The following IL1R1 variants were observed in gnomAD, a reference collection of about 807,000 sequenced individuals.
IL1R1 encodes interleukin-1 receptor type 1.
IL1R1 carries 22 observed loss-of-function variants against 50.2 expected under a neutral mutation model. That is an observed-to-expected ratio of 0.44 (90% confidence interval 0.31 to 0.63). The LOEUF (loss-of-function observed/expected upper bound fraction) is 0.63, where lower values mean the gene tolerates loss of function less well. Ranked by LOEUF, IL1R1 falls within the 20% of genes least tolerant of loss-of-function variation. The probability of loss-of-function intolerance (pLI) is 0.07; values close to 1 mark genes in which losing one functional copy is unlikely to be tolerated. For missense variants in IL1R1, 509 were observed against 676.2 expected (o/e 0.75, Z 2.74); for synonymous variants, 251 against 236.7 (o/e 1.06, Z -0.55).
intron 11 of IL1R1, 145 bp from the exon 12 acceptor site, chr2:102,176,208 C>T (rs1559511369): frequency 9.2e-6 from 6 of 653,558 alleles, no homozygotes; most frequent in Non-Finnish European, 1.5e-5. Flanking sequence ...TAATTAAAAA[C>T]ATGGGAAACT....
At chr2:102,097,160 T>C (rs984666490) in intron 1 of IL1R1, among the ~76,000 whole-genome samples, 1 of 152,152 alleles carries the variant, frequency 6.6e-6, no homozygotes, top group Admixed American at 6.5e-5. Flanking sequence ...GGTGACTTTA[T>C]CGGGGATCGG....
intron 1 of IL1R1, among the ~76,000 whole-genome samples, chr2:102,086,994 AC>A (rs1188081064): frequency 2.0e-5 from 3 of 152,016 alleles, no homozygotes; most frequent in Non-Finnish European, 4.4e-5. Context: ...TTGCTTCCAA[AC>A]CACTGCAGAA....
chr2:102,072,820 A>C (rs1037495573), intron 1 of IL1R1, among the ~76,000 whole-genome samples: 5 of 152,058 alleles, frequency 3.3e-5, no homozygotes, highest in African/African-American at 1.2e-4. Context: ...TTTGTAGGTG[A>C]AACTATGAGA....
At chr2:102,109,200 C>A (rs577724071) in intron 1 of IL1R1, among the ~76,000 whole-genome samples, 2 of 152,002 alleles carry the variant, frequency 1.3e-5, no homozygotes, top group African/African-American at 4.8e-5. Context: ...GAGGGTAGGT[C>A]GGACTGAACT....
intron 10 of IL1R1, 100 bp from the exon 11 acceptor site, chr2:102,175,378 A>T: frequency 1.1e-6 from 1 of 888,832 alleles, no homozygotes; most frequent in Non-Finnish European, 1.8e-6. Context: ...GTATAAAAAA[A>T]GATGAATAGT....
At chr2:102,118,566 ACTGAACCCTTAAC>A (rs1446878607) in intron 1 of IL1R1, among the ~76,000 whole-genome samples, 1 of 152,112 alleles carries the variant, frequency 6.6e-6, no homozygotes, top group Non-Finnish European at 1.5e-5. Context: ...GTCTTGTGGG[ACTGAACCCTTAAC>A]CTGAGGTCTG....
In IL1R1 at chr2:102,134,200, G is replaced by A. The variant is rs531704876; in HGVS notation, c.-83-19741G>A. On this transcript the variant is annotated intron_variant, in intron 1 of 10. Coordinates refer to the IL1R1 transcript ENST00000409329. ...ATATGCAAGATCTGTACGTGAAGCG[G>A]TGTTGATGGCAGAGACTATTCTGCC... Among the ~76,000 whole-genome samples, 274 of 152,302 alleles carry A rather than the reference G, an allele frequency of 1.8e-3. 2 individuals are homozygous for A. Among genetic ancestry groups the A allele is most frequent in the African/African-American group, 6.3e-3 (263 of 41,566 alleles).
At chr2:102,135,434 A>G (rs1682292647) in intron 1 of IL1R1, among the ~76,000 whole-genome samples, 1 of 152,222 alleles carries the variant, frequency 6.6e-6, no homozygotes, top group Non-Finnish European at 1.5e-5. Context: ...TATTTTTACT[A>G]AAAAATTAGA....
At chr2:102,130,372 A>T (rs957071151) in intron 1 of IL1R1, among the ~76,000 whole-genome samples, 38 of 152,274 alleles carry the variant, frequency 2.5e-4, no homozygotes, top group African/African-American at 8.7e-4. Context: ...CACAATTGCT[A>T]ATGATTCTTC....
intron 1 of IL1R1, among the ~76,000 whole-genome samples, chr2:102,111,874 A>G (rs2104368370): frequency 6.6e-6 from 1 of 152,266 alleles, no homozygotes; most frequent in South Asian, 2.1e-4. Flanking sequence ...TTAGAAAGAT[A>G]GAGGTGACCA....
chr2:102,172,529 G>A (rs1685779622), intron 8 of IL1R1, 158 bp from the exon 9 acceptor site: 3 of 1,094,522 alleles, frequency 2.7e-6, no homozygotes, highest in Non-Finnish European at 3.7e-6. Flanking sequence ...TCTCAGATTA[G>A]TGTTGCCAGC....
At chr2:102,149,880 A>C (rs572630465) in intron 1 of IL1R1, among the ~76,000 whole-genome samples, 3 of 152,170 alleles carry the variant, frequency 2.0e-5, no homozygotes, top group Non-Finnish European at 4.4e-5. Context: ...TCTCATGGTG[A>C]GGACAGCGCA....
intron 1 of IL1R1, among the ~76,000 whole-genome samples, chr2:102,082,546 A>G (rs963674364): frequency 2.6e-5 from 4 of 152,214 alleles, no homozygotes; most frequent in African/African-American, 9.6e-5. Flanking sequence ...GTGTCATGAT[A>G]ATTCCATGCA....
intron 1 of IL1R1, among the ~76,000 whole-genome samples, chr2:102,131,519 T>C (rs1682027251): frequency 6.6e-6 from 1 of 152,148 alleles, no homozygotes; most frequent in South Asian, 2.1e-4. Context: ...TGAAAATGCC[T>C]GCGTCTAACT....
At chr2:102,092,402 A>G (rs1319739244) in intron 1 of IL1R1, among the ~76,000 whole-genome samples, 1 of 152,150 alleles carries the variant, frequency 6.6e-6, no homozygotes, top group East Asian at 1.9e-4. Context: ...CAATTTATCC[A>G]TGTTTGTCCA....
Position 102,165,297 on chromosome 2 carries a change from G to A in IL1R1, c.479G>A (p.Trp160Ter), listed in dbSNP as rs1478913390. 6.7e-7 allele frequency: 1 copy of A among 1,498,824 alleles called. No homozygotes were observed. Among genetic ancestry groups the A allele is most frequent in the Admixed American group, 2.3e-5 (1 of 43,646 alleles). 92.8% of individuals were successfully genotyped at this position (1,498,824 alleles called of 1,614,324 possible). A position where few individuals can be genotyped will look rare whatever the true frequency, so the allele number is the denominator to read the frequency against. ...AATAATGAGTTACCTAAATTACAGTGGTATAAGGTAATTTTATTTTAAATA... is the reference window on the plus strand; with the variant it reads ...AATAATGAGTTACCTAAATTACAGTAGTATAAGGTAATTTTATTTTAAATA... ...NENNELPKLQ[W>*]YKDCKPLLLD... Residue 160 changes from tryptophan to a stop codon, truncating the protein, a stop_gained, in exon 5 of 12, where the codon TGG becomes TAG. Transcript: ENST00000410023. LOFTEE classifies it high-confidence loss of function.
intron 1 of IL1R1, among the ~76,000 whole-genome samples, chr2:102,081,504 G>A (rs1454404711): frequency 6.6e-6 from 1 of 152,182 alleles, no homozygotes; most frequent in Non-Finnish European, 1.5e-5. Context: ...TCTAGAGTAC[G>A]AATGAGGATT....
chr2:102,114,876 G>A lies in IL1R1; in HGVS notation c.-84+10004G>A, dbSNP rs1444287559. Reference sequence around the variant, plus strand: ...TCCTGATTGTAAATTGTTGTTCTAGGGAAACCCAGTGTGTGTGAATGTAAG... The same window carrying A: ...TCCTGATTGTAAATTGTTGTTCTAGAGAAACCCAGTGTGTGTGAATGTAAG... On this transcript the variant is annotated intron_variant, in intron 1 of 10. Transcript: ENST00000409329. 2.0e-5 allele frequency among the ~76,000 whole-genome samples: 3 copies of A among 152,244 alleles called. No individual in the cohort carries two copies. The East Asian group carries it at 5.8e-4, about 29-fold the overall frequency.
intron 9 of IL1R1, among the ~76,000 whole-genome samples, chr2:102,173,454 C>T (rs1227272266): frequency 6.6e-6 from 1 of 152,150 alleles, no homozygotes; most frequent in Non-Finnish European, 1.5e-5. Context: ...TGTTTAAATA[C>T]TGGCAGCATA....
Sources: gnomAD v4.1 joint callset for allele counts (sites outside exome capture counted in the v4.1 genomes callset) on GRCh38, gnomAD v4.1.1 for gene constraint, MANE v1.5 for transcripts, NCBI Gene and HGNC (gene_info 2026-07-23, HGNC 2026-07-21) for gene names.